KPNA5: variants seen among roughly 807,000 people sequenced by gnomAD.
KPNA5 encodes the protein importin subunit alpha-6.
A neutral mutation model predicts 71.3 loss-of-function variants in KPNA5; 46 were observed. That is an observed-to-expected ratio of 0.65 (90% CI 0.51 to 0.83). The LOEUF (loss-of-function observed/expected upper bound fraction) is 0.83. Among genes scored for constraint, KPNA5 ranks in the 40% least tolerant of loss-of-function variants. The pLI is 0.00. For missense variants in KPNA5, 547 were observed against 628.3 expected (o/e 0.87, Z 1.38); for synonymous variants, 207 against 201.4 (o/e 1.03, Z -0.24).
In KPNA5 at chr6:116,692,282, G is replaced by T; in HGVS notation, c.241-11G>T. Reference sequence around the variant, plus strand: ...GTAAATGTTAATTATATTTTTGTGTGTGTGTTTTAGGAAGAAGTTGTTACT... The same window carrying T: ...GTAAATGTTAATTATATTTTTGTGTTTGTGTTTTAGGAAGAAGTTGTTACT... On this transcript the variant is annotated splice_polypyrimidine_tract_variant and intron_variant, in intron 3 of 13. Transcript: ENST00000368564. The T allele has an allele frequency of 6.6e-7, 1 of 1,525,630 alleles. No homozygotes were observed. The highest frequency in any genetic ancestry group is 9.0e-7 in the Non-Finnish European group (1 of 1,114,670). The allele number at this position is 1,525,630 out of a possible 1,614,324, so 94.5% of individuals were successfully genotyped here. A position where few individuals can be genotyped will look rare whatever the true frequency, so the allele number is the denominator to read the frequency against.
chr6:116,726,115 C>CT (rs1315665772), intron 11 of KPNA5, among the ~76,000 whole-genome samples: 1 of 147,780 alleles, frequency 6.8e-6, no homozygotes, highest in African/African-American at 2.6e-5. Flanking sequence ...AATGGTTTGT[C>CT]TTTAGAAAGA....
intron 8 of KPNA5, among the ~76,000 whole-genome samples, chr6:116,718,258 T>G (rs1171616758): frequency 6.6e-6 from 1 of 151,058 alleles, no homozygotes; most frequent in East Asian, 1.9e-4. Flanking sequence ...TCTTTTAATT[T>G]TTTTTTTCTT....
intron 8 of KPNA5, among the ~76,000 whole-genome samples, chr6:116,720,338 A>G (rs1779055534): frequency 6.6e-6 from 1 of 150,490 alleles, no homozygotes; most frequent in African/African-American, 2.4e-5. Flanking sequence ...TTGTCTTTAT[A>G]TATTGTGGGC....
chr6:116,726,421 G>A (rs1779289103), intron 11 of KPNA5, 74 bp from the exon 12 acceptor site: 2 of 1,239,908 alleles, frequency 1.6e-6, no homozygotes, highest in East Asian at 2.7e-5. Flanking sequence ...AAGCCATTGA[G>A]TTTCAAGATT....
In KPNA5 at chr6:116,735,649, A is replaced by C. The variant is rs1779645202; in HGVS notation, c.*3326A>C. 1 of 151,746 alleles carries C rather than the reference A, an allele frequency of 6.6e-6. No homozygotes were observed. The highest frequency in any genetic ancestry group is 1.5e-5 in the Non-Finnish European group (1 of 67,750). 9.4% of individuals were successfully genotyped at this position (151,746 alleles called of 1,614,324 possible). A position where few individuals can be genotyped will look rare whatever the true frequency, so the allele number is the denominator to read the frequency against. ...AATATTTTAAAATTGCATTTATATAAATGTGTCCATTTCATTTTTTCTTAA... is the reference window on the plus strand; with the variant it reads ...AATATTTTAAAATTGCATTTATATACATGTGTCCATTTCATTTTTTCTTAA... On this transcript the variant is annotated 3_prime_UTR_variant, in exon 14 of 14. Transcript: ENST00000368564.
intron 7 of KPNA5, among the ~76,000 whole-genome samples, chr6:116,707,969 C>CT (rs1316370360): frequency 2.6e-5 from 4 of 152,212 alleles, no homozygotes; most frequent in African/African-American, 7.2e-5. Context: ...TTTTCTCTCT[C>CT]TATGTATACT....
chr6:116,698,691 T>C lies in KPNA5; in HGVS notation c.341-13T>C. ...GTGTCTTTGTAATAACTGAAGTCTT[T>C]TTAAATTTTTAGAACCTAATCCACC... On this transcript the variant is annotated splice_polypyrimidine_tract_variant and intron_variant, in intron 4 of 13. Coordinates refer to ENST00000368564, the MANE Select transcript of KPNA5 (RefSeq NM_001366306.2). The C allele has an allele frequency of 1.3e-6, 2 of 1,501,164 alleles. No individual in the cohort carries two copies. The highest frequency in any genetic ancestry group is 1.8e-6 in the Non-Finnish European group (2 of 1,089,492). The allele number at this position is 1,501,164 out of a possible 1,614,324, so 93.0% of individuals were successfully genotyped here. A position where few individuals can be genotyped will look rare whatever the true frequency, so the allele number is the denominator to read the frequency against.
rs1779813989 is a variant in KPNA5, at chr6:116,740,060, A to C, written c.*7737A>C. 1 of 152,028 alleles carries C rather than the reference A, an allele frequency of 6.6e-6. No homozygotes were observed. The highest frequency in any genetic ancestry group is 2.1e-4 in the South Asian group (1 of 4,830). 9.4% of individuals were successfully genotyped at this position (152,028 alleles called of 1,614,324 possible). On this transcript the variant is annotated 3_prime_UTR_variant, in exon 14 of 14. Transcript: ENST00000368564. ...GAAACTACCATCAGAGTGAACAGGCAACCTACAAAATGGGAGAAAATTTTC... is the reference window on the plus strand; with the variant it reads ...GAAACTACCATCAGAGTGAACAGGCCACCTACAAAATGGGAGAAAATTTTC...
intron 2 of KPNA5, among the ~76,000 whole-genome samples, chr6:116,689,665 C>T (rs1200693258): frequency 1.3e-5 from 2 of 152,084 alleles, no homozygotes; most frequent in Non-Finnish European, 2.9e-5. Flanking sequence ...ATTGATAAAC[C>T]TGTTGTGTTA....
chr6:116,688,704 T>C (rs534636374), intron 1 of KPNA5, among the ~76,000 whole-genome samples: 1 of 152,278 alleles, frequency 6.6e-6, no homozygotes, highest in Non-Finnish European at 1.5e-5. Flanking sequence ...AAATAAAGTA[T>C]ACATGTATTT....
intron 13 of KPNA5, among the ~76,000 whole-genome samples, chr6:116,730,814 A>G (rs1779452951): frequency 6.6e-6 from 1 of 151,516 alleles, no homozygotes; most frequent in Non-Finnish European, 1.5e-5. Flanking sequence ...CTGTGTCCTT[A>G]TCCAAATTGC....
At chr6:116,714,165 A>G (rs766032328) in intron 7 of KPNA5, among the ~76,000 whole-genome samples, 4 of 152,192 alleles carry the variant, frequency 2.6e-5, no homozygotes, top group Non-Finnish European at 4.4e-5. Flanking sequence ...ATGGTTAACT[A>G]TGGAAATCAG....
chr6:116,701,540 C>A (rs1315366452), intron 5 of KPNA5, among the ~76,000 whole-genome samples: 1 of 152,206 alleles, frequency 6.6e-6, no homozygotes, highest in Admixed American at 6.5e-5. Flanking sequence ...AATACCTAAT[C>A]TCTCAACTTC....
In KPNA5 at chr6:116,737,557, A is replaced by G. The variant is rs909883797; in HGVS notation, c.*5234A>G. The stretch of plus-strand genomic sequence containing the variant: ...CTGAATTTCCCTTCCTTGCCCTGCA[A>G]TCGTGAAACTCTAGGCAGTAAGAGA... On this transcript the variant is annotated 3_prime_UTR_variant, in exon 14 of 14. Transcript: ENST00000368564. 1.3e-5 allele frequency: 2 copies of G among 151,950 alleles called. No homozygotes were observed. Among genetic ancestry groups the G allele is most frequent in the Non-Finnish European group, 2.9e-5 (2 of 67,952 alleles). 9.4% of individuals were successfully genotyped at this position (151,950 alleles called of 1,614,324 possible).
chr6:116,705,149 A>G lies in KPNA5; in HGVS notation c.645A>G (p.Pro215=). ...RDFVLNCEIL[P]PLLELLTNSN... ...TTGTTTTGAATTGTGAAATACTTCC[A>G]CCTCTTTTAGAGTAAGTACTTTATC... The change falls in exon 7 of 14, where the codon CCA becomes CCG. Residue 215 remains proline (P), a synonymous_variant. Coordinates refer to ENST00000368564, the MANE Select transcript of KPNA5 (RefSeq NM_001366306.2). 6.2e-7 allele frequency: 1 copy of G among 1,607,882 alleles called. No homozygotes were observed. Among genetic ancestry groups the G allele is most frequent in the Non-Finnish European group, 8.5e-7 (1 of 1,175,754 alleles).
chr6:116,688,471 G>A (rs1583401377), intron 1 of KPNA5, among the ~76,000 whole-genome samples: 1 of 152,094 alleles, frequency 6.6e-6, no homozygotes, highest in East Asian at 1.9e-4. Context: ...TGTGTGTGAT[G>A]TGTAAGTCCA....
intron 7 of KPNA5, among the ~76,000 whole-genome samples, chr6:116,707,868 T>A (rs1778507753): frequency 6.6e-6 from 1 of 151,560 alleles, no homozygotes; most frequent in Non-Finnish European, 1.5e-5. Flanking sequence ...AGTTCCAGAA[T>A]TTTTTTACCA....
chr6:116,709,296 A>G (rs1778562465), intron 7 of KPNA5, among the ~76,000 whole-genome samples: 1 of 152,046 alleles, frequency 6.6e-6, no homozygotes, highest in Non-Finnish European at 1.5e-5. Context: ...TCCTGGGTTC[A>G]AGCGGTTCTC....
intron 8 of KPNA5, 86 bp from the exon 9 acceptor site, chr6:116,722,040 G>A (rs971256217): frequency 6.9e-6 from 7 of 1,021,098 alleles, no homozygotes; most frequent in Middle Eastern, 4.7e-4. Flanking sequence ...TTAAATTTTT[G>A]TTTTAAAATG....
Sources: gnomAD v4.1 joint callset for allele counts (sites outside exome capture counted in the v4.1 genomes callset) on GRCh38, gnomAD v4.1.1 for gene constraint, MANE v1.5 for transcripts, NCBI Gene and HGNC (gene_info 2026-07-23, HGNC 2026-07-21) for gene names.